The following RNF157 variants were observed in gnomAD, a reference collection of about 807,000 sequenced individuals.
RNF157 encodes the protein E3 ubiquitin ligase RNF157.
A neutral mutation model predicts 88.3 loss-of-function variants in RNF157; 55 were observed. That is an observed-to-expected ratio of 0.62 (90% confidence interval 0.50 to 0.78). The LOEUF is 0.78. Ranked by LOEUF, RNF157 falls within the 30% of genes least tolerant of loss-of-function variation. RNF157 has a pLI of 0.00. For synonymous variants in RNF157, 334 were observed against 341.2 expected (o/e 0.98, Z 0.23); for missense variants, 788 against 860.8 (o/e 0.92, Z 1.06).
At chr17:76,188,115 A>C (rs571378952) in intron 2 of RNF157, among the ~76,000 whole-genome samples, 64 of 152,284 alleles carry the variant, frequency 4.2e-4, no homozygotes, top group African/African-American at 1.5e-3. Flanking sequence ...TTTGGCTTTT[A>C]TGAAAGTCTA....
At chr17:76,204,782 C>CTTTT (rs577037374) in intron 2 of RNF157, among the ~76,000 whole-genome samples, 3 of 139,750 alleles carry the variant, frequency 2.1e-5, no homozygotes, top group Non-Finnish European at 3.1e-5. Context: ...TTCTTTCTTT[C>CTTTT]TTTTTTTTTT....
Position 76,171,251 on chromosome 17 carries a change from C to T in RNF157, c.296+2451G>A, listed in dbSNP as rs538877888. On this transcript the variant is annotated intron_variant, in intron 3 of 18. Coordinates refer to ENST00000269391, the MANE Select transcript of RNF157 (RefSeq NM_052916.3). ...TCACCCAGAGTGGAGTGCAGTGGTACAATCTCGGCTCACTGCAACCTCTGT... is the reference window on the plus strand; with the variant it reads ...TCACCCAGAGTGGAGTGCAGTGGTATAATCTCGGCTCACTGCAACCTCTGT... 7.9e-5 allele frequency among the ~76,000 whole-genome samples: 12 copies of T among 151,928 alleles called. No individual in the cohort carries two copies. The South Asian group carries it at 2.5e-3, about 32-fold the overall frequency.
chr17:76,191,673 C>G (rs774258221), intron 2 of RNF157, among the ~76,000 whole-genome samples: 4 of 150,928 alleles, frequency 2.7e-5, no homozygotes, highest in African/African-American at 9.8e-5. Context: ...CCTAGGAAGG[C>G]TGACGTGGGA....
Position 76,146,488 on chromosome 17 carries a change from C to T in RNF157, c.1922-1135G>A, listed in dbSNP as rs2068587339. ...GAGGCTAGGGCGCTCCTGCCTTGGG[C>T]CTCGGCTGCCTCCACTCTCAGGGTC... On this transcript the variant is annotated intron_variant, in intron 18 of 18. Transcript: ENST00000269391. This position sits in a 1 kb window ranked among gnomAD's most constrained non-coding sequence, Gnocchi z 4.2. The T allele has an allele frequency of 1.3e-5, 13 of 985,450 alleles. No individual in the cohort carries two copies. Among genetic ancestry groups the T allele is most frequent in the Non-Finnish European group, 1.4e-5 (12 of 829,920 alleles). The allele number at this position is 985,450 out of a possible 1,614,324, so 61.0% of individuals were successfully genotyped here. A position where few individuals can be genotyped will look rare whatever the true frequency, so the allele number is the denominator to read the frequency against.
intron 1 of RNF157, among the ~76,000 whole-genome samples, chr17:76,221,210 G>A (rs2069977043): frequency 6.6e-6 from 1 of 152,106 alleles, no homozygotes; most frequent in Admixed American, 6.6e-5. Context: ...TAGAATGTAA[G>A]TCTTAATAAA....
In RNF157 at chr17:76,152,452, G is replaced by A. The variant is rs143725203; in HGVS notation, c.1824C>T (p.Cys608=). The change falls in exon 18 of 19, where the codon TGC becomes TGT. Residue 608 remains cysteine (C), a synonymous_variant. Transcript: ENST00000269391. The part of the protein sequence containing the change: ...GSPTQEGQRT[C]AFLGMECDNN... ...TGTCACACTCCATACCTAGAAATGCGCACGTCCTCTGGCCTGTAACGGAGT... is the reference window on the plus strand; with the variant it reads ...TGTCACACTCCATACCTAGAAATGCACACGTCCTCTGGCCTGTAACGGAGT... 30 of 1,611,318 alleles carry A rather than the reference G, an allele frequency of 1.9e-5. No individual in the cohort carries two copies. Among genetic ancestry groups the A allele is most frequent in the African/African-American group, 4.0e-5 (3 of 74,856 alleles).
chr17:76,175,661 G>T, intron 2 of RNF157: 2 of 588,924 alleles, frequency 3.4e-6, no homozygotes, highest in Non-Finnish European at 4.3e-6. Flanking sequence ...CAAAATAAAT[G>T]ACTTTGGGAT....
intron 1 of RNF157, among the ~76,000 whole-genome samples, chr17:76,232,596 T>C (rs78438390): frequency 0.016 from 2,499 of 152,304 alleles, 67 homozygotes; most frequent in African/African-American, 0.057. Flanking sequence ...TGTTTTCATT[T>C]TTTTGGACAG....
intron 1 of RNF157, among the ~76,000 whole-genome samples, chr17:76,236,403 G>C (rs1283516920): frequency 6.6e-6 from 1 of 152,168 alleles, no homozygotes. Context: ...CTTCATAAAA[G>C]CAACCATCTC....
At chr17:76,156,619 G>A in intron 13 of RNF157, 1 of 692,682 alleles carries the variant, frequency 1.4e-6, no homozygotes, top group South Asian at 6.4e-5. Flanking sequence ...CTGCAGCTGT[G>A]ACATGGGGAC....
chr17:76,214,782 T>C (rs190084324), intron 1 of RNF157, among the ~76,000 whole-genome samples: 10 of 152,140 alleles, frequency 6.6e-5, no homozygotes, highest in African/African-American at 2.4e-4. Flanking sequence ...CCAAATGAAA[T>C]CAGCAGTCAG....
chr17:76,219,953 T>TAA (rs2069952869), intron 1 of RNF157, among the ~76,000 whole-genome samples: 1 of 152,132 alleles, frequency 6.6e-6, no homozygotes, highest in South Asian at 2.1e-4. Context: ...AAGCCAAGGT[T>TAA]AAACAAAAAC....
chr17:76,202,846 C>T (rs2069609524), intron 2 of RNF157: 1 of 152,652 alleles, frequency 6.6e-6, no homozygotes, highest in Admixed American at 6.5e-5. Flanking sequence ...ATTTGCAATG[C>T]TGTTAATCCT....
rs1163864045 is a variant in RNF157, at chr17:76,195,075, T to C, written c.207+17289A>G. ...GGGAGAGGATATTATAATAAAAACT[T>C]GGAAGCTGAAACACACACTGACAAG... On this transcript the variant is annotated intron_variant, in intron 2 of 18. Transcript: ENST00000269391. The surrounding 1 kb of genome is among the most constrained non-coding windows in gnomAD (Gnocchi z 4.4). Among the ~76,000 whole-genome samples, 1 of 151,932 alleles carries C rather than the reference T, an allele frequency of 6.6e-6. No individual in the cohort carries two copies. Among genetic ancestry groups the C allele is most frequent in the Non-Finnish European group, 1.5e-5 (1 of 67,978 alleles).
chr17:76,227,435 A>G (rs567645731), intron 1 of RNF157, among the ~76,000 whole-genome samples: 8 of 151,998 alleles, frequency 5.3e-5, no homozygotes, highest in Admixed American at 5.2e-4. Flanking sequence ...ATCTCTTCAG[A>G]GGACTGACTC....
Position 76,195,924 on chromosome 17 carries a change from G to A in RNF157, c.207+16440C>T, listed in dbSNP as rs990931868. ...TGCCATGTCAGTTTACTATTGCCAC[G>A]GCAACACCTGGAAGTTACCACCCTC... On this transcript the variant is annotated intron_variant, in intron 2 of 18. Coordinates refer to ENST00000269391, the MANE Select transcript of RNF157 (RefSeq NM_052916.3). The surrounding 1 kb of genome is among the most constrained non-coding windows in gnomAD (Gnocchi z 4.4). Among the ~76,000 whole-genome samples the A allele has an allele frequency of 3.9e-5, 6 of 152,070 alleles. No homozygotes were observed. Among genetic ancestry groups the A allele is most frequent in the Non-Finnish European group, 8.8e-5 (6 of 68,024 alleles).
chr17:76,209,393 G>A (rs528499501), intron 2 of RNF157, among the ~76,000 whole-genome samples: 1 of 152,304 alleles, frequency 6.6e-6, no homozygotes, highest in Admixed American at 6.5e-5. Flanking sequence ...CTTCAAGCTT[G>A]TCCAACCTGC....
In RNF157 at chr17:76,226,540, C is replaced by A. The variant is rs147269913; in HGVS notation, c.88+13613G>T. 786 of 1,613,664 alleles carry A rather than the reference C, an allele frequency of 4.9e-4. 13 individuals are homozygous for A. The East Asian group carries it at 0.017, about 36-fold the overall frequency. On this transcript the variant is annotated intron_variant, in intron 1 of 18. Coordinates refer to ENST00000269391, the MANE Select transcript of RNF157 (RefSeq NM_052916.3). ...CACCAAAGTCGAACTCCTTCAAATC[C>A]ATTTTCTCCAACATCCAATGTGTCC...
chr17:76,165,435 G>T, intron 7 of RNF157, 67 bp downstream of exon 7: 1 of 1,535,612 alleles, frequency 6.5e-7, no homozygotes, highest in Non-Finnish European at 9.0e-7. Flanking sequence ...CAGCAAACGG[G>T]TTACATGTGT....
Sources: gnomAD v4.1 joint callset for allele counts (sites outside exome capture counted in the v4.1 genomes callset) on GRCh38, gnomAD v4.1.1 for gene constraint, Gnocchi (gnomAD v3.1) non-coding constraint, MANE v1.5 for transcripts, NCBI Gene and HGNC (gene_info 2026-07-23, HGNC 2026-07-21) for gene names.